Variants in PRUNE1 observed in about 807,000 individuals in gnomAD.
PRUNE1 encodes exopolyphosphatase PRUNE1.
In PRUNE1, 25 loss-of-function variants were observed where a neutral mutation model predicts 42.5. That is an observed-to-expected ratio of 0.59 (90% CI 0.43 to 0.82). The LOEUF (loss-of-function observed/expected upper bound fraction) is 0.82. Ranked by LOEUF, PRUNE1 falls within the 40% of genes least tolerant of loss-of-function variation. PRUNE1 has a pLI of 0.00. For missense variants in PRUNE1, 443 were observed against 539.3 expected (o/e 0.82, Z 1.77); for synonymous variants, 203 against 217.1 (o/e 0.93, Z 0.57).
intron 7 of PRUNE1, among the ~76,000 whole-genome samples, chr1:151,030,015 G>T (rs1407924451): frequency 4.6e-5 from 7 of 151,844 alleles, no homozygotes; most frequent in Non-Finnish European, 8.8e-5. Context: ...TGTAATCCCA[G>T]CACTTTGGGA....
intron 3 of PRUNE1, among the ~76,000 whole-genome samples, chr1:151,020,362 TA>T (rs1013536447): frequency 6.6e-6 from 1 of 151,444 alleles, no homozygotes; most frequent in Non-Finnish European, 1.5e-5. Flanking sequence ...GCTGAGGTGG[TA>T]GGATCACTTG....
At chr1:151,021,910 C>T (rs143702004) in intron 3 of PRUNE1, among the ~76,000 whole-genome samples, 1 of 151,190 alleles carries the variant, frequency 6.6e-6, no homozygotes, top group Admixed American at 6.6e-5. Flanking sequence ...TCAGGTGATC[C>T]GCCCACCTCG....
chr1:151,031,790 T>A (rs587674246), intron 7 of PRUNE1, among the ~76,000 whole-genome samples: 2 of 152,184 alleles, frequency 1.3e-5, no homozygotes, highest in Non-Finnish European at 2.9e-5. Flanking sequence ...CTTGAGCACA[T>A]TTATACACTT....
intron 3 of PRUNE1, among the ~76,000 whole-genome samples, chr1:151,020,185 CAG>C (rs1466500260): frequency 7.0e-6 from 1 of 143,092 alleles, no homozygotes; most frequent in Non-Finnish European, 1.5e-5. Flanking sequence ...CCTGTAATCC[CAG>C]CACTTAGGGA....
intron 4 of PRUNE1, 28 bp from the exon 5 acceptor site, chr1:151,025,487 C>G (rs1674771411): frequency 6.2e-7 from 1 of 1,606,340 alleles, no homozygotes. Flanking sequence ...TCACAGGATT[C>G]AAGTTCCACC....
intron 7 of PRUNE1, 40 bp downstream of exon 7, chr1:151,028,984 A>AT: frequency 6.4e-7 from 1 of 1,568,540 alleles, no homozygotes; most frequent in Non-Finnish European, 8.8e-7. Flanking sequence ...AGCCTTACAG[A>AT]GTCTGCCTGT....
chr1:151,028,837 G>A lies in PRUNE1; in HGVS notation c.826G>A (p.Ala276Thr). The A allele has an allele frequency of 1.2e-6, 2 of 1,614,000 alleles. No individual in the cohort carries two copies. Among genetic ancestry groups the A allele is most frequent in the Non-Finnish European group, 1.7e-6 (2 of 1,179,968 alleles). ...LLADLHAFCQ[A>T]HSYDVLVAMT... is the part of the protein sequence containing the mutation. ...TGCAGATCTCCATGCTTTCTGCCAG[G>A]CTCACAGCTATGATGTCCTGGTTGC... Residue 276 changes from alanine to threonine, a missense_variant, in exon 7 of 8, where the codon GCT (alanine) becomes ACT (threonine). By Grantham distance (58) the Ala-to-Thr change is moderately conservative. Coordinates refer to ENST00000271620, the MANE Select transcript of PRUNE1 (RefSeq NM_021222.3).
intron 7 of PRUNE1, among the ~76,000 whole-genome samples, chr1:151,029,406 T>C (rs981596565): frequency 1.4e-5 from 2 of 145,370 alleles, no homozygotes; most frequent in Non-Finnish European, 3.0e-5. Flanking sequence ...CTTGTGCTGT[T>C]GCCCAGGCTG....
At chr1:151,022,116 T>C (rs1171237685) in intron 3 of PRUNE1, among the ~76,000 whole-genome samples, 4 of 144,300 alleles carry the variant, frequency 2.8e-5, no homozygotes, top group African/African-American at 1.1e-4. Flanking sequence ...TAATTTTTTT[T>C]TTTTTTTTTT....
chr1:151,009,987 T>A (rs1384597002), intron 1 of PRUNE1, among the ~76,000 whole-genome samples: 1 of 152,220 alleles, frequency 6.6e-6, no homozygotes, highest in Non-Finnish European at 1.5e-5. Flanking sequence ...TAAAGTGCCC[T>A]TGGACCTGAA....
Position 151,034,276 on chromosome 1 carries a change from C to T in PRUNE1, c.*42C>T, listed in dbSNP as rs1217357039. On this transcript the variant is annotated 3_prime_UTR_variant, in exon 8 of 8. Transcript: ENST00000271620. Reference sequence around the variant, plus strand: ...AGGTAGTGGGTGAGGCTACCTGACTCACTTCAAATGCATGTTTTGAGATGT... The same window carrying T: ...AGGTAGTGGGTGAGGCTACCTGACTTACTTCAAATGCATGTTTTGAGATGT... The T allele has an allele frequency of 3.2e-6, 5 of 1,559,138 alleles. No homozygotes were observed. In the East Asian group the frequency reaches 1.1e-4, roughly 35 times the overall value.
chr1:151,018,547 C>CA lies in PRUNE1; in HGVS notation c.213_214insA (p.Phe72IlefsTer17). 6.2e-7 allele frequency: 1 copy of CA among 1,613,926 alleles called. No homozygotes were observed. The highest frequency in any genetic ancestry group is 8.5e-7 in the Non-Finnish European group (1 of 1,179,842). On this transcript the variant is annotated frameshift_variant, in exon 3 of 8. Coordinates refer to ENST00000271620, the MANE Select transcript of PRUNE1 (RefSeq NM_021222.3). LOFTEE classifies it high-confidence loss of function. ...TACCTCTGCGAGGTGACATTGTCTT[C>CA]TTTCTTCAGAAGGTTCATATTCCAG...
chr1:151,011,802 C>G (rs1673786340), intron 1 of PRUNE1, among the ~76,000 whole-genome samples: 1 of 147,150 alleles, frequency 6.8e-6, no homozygotes, highest in Non-Finnish European at 1.5e-5. Context: ...TTTTTTGAGA[C>G]AAAGTCTCGC....
chr1:151,010,671 ATT>A (rs35204921), intron 1 of PRUNE1, among the ~76,000 whole-genome samples: 2,125 of 135,446 alleles, frequency 0.016, 35 homozygotes, highest in African/African-American at 0.052. Context: ...AATTGCTTTA[ATT>A]TTTTTTTTTT....
intron 1 of PRUNE1, among the ~76,000 whole-genome samples, chr1:151,009,585 A>G (rs149411291): frequency 0.011 from 1,716 of 152,294 alleles, 33 homozygotes; most frequent in African/African-American, 0.039. Flanking sequence ...GAAGAAACCT[A>G]GATAGATGGC....
chr1:151,015,103 G>A (rs1194319091), intron 1 of PRUNE1, among the ~76,000 whole-genome samples: 7 of 152,164 alleles, frequency 4.6e-5, no homozygotes, highest in African/African-American at 1.4e-4. Flanking sequence ...TGAGGCGGGC[G>A]GATCACCTGA....
At chr1:151,013,355 A>T (rs1673899810) in intron 1 of PRUNE1, among the ~76,000 whole-genome samples, 4 of 152,074 alleles carry the variant, frequency 2.6e-5, no homozygotes, top group Admixed American at 2.6e-4. Context: ...GTCCCAAAGT[A>T]TTCCTTTTGT....
At chr1:151,031,109 G>A (rs1048362413) in intron 7 of PRUNE1, among the ~76,000 whole-genome samples, 4 of 151,440 alleles carry the variant, frequency 2.6e-5, no homozygotes, top group Admixed American at 6.6e-5. Flanking sequence ...GATTTCTAAT[G>A]ACTCTACCAT....
At chr1:151,029,365 G>GTTTTT (rs34073279) in intron 7 of PRUNE1, among the ~76,000 whole-genome samples, 31 of 85,826 alleles carry the variant, frequency 3.6e-4, no homozygotes, top group African/African-American at 1.0e-3. Flanking sequence ...AAGCTGGAAA[G>GTTTTT]TTTTTTTTTT....
Sources: gnomAD v4.1 joint callset for allele counts (sites outside exome capture counted in the v4.1 genomes callset) on GRCh38, gnomAD v4.1.1 for gene constraint, MANE v1.5 for transcripts, NCBI Gene and HGNC (gene_info 2026-07-23, HGNC 2026-07-21) for gene names.